NACC2: variants seen among roughly 807,000 people sequenced by gnomAD.
NACC2 encodes NACC family member 2, also known as nucleus accumbens-associated protein 2.
NACC2 carries 8 observed loss-of-function variants against 25.1 expected under a neutral mutation model. The ratio of observed to expected loss-of-function variants is 0.32; its 90% CI spans 0.19 to 0.57. The LOEUF (loss-of-function observed/expected upper bound fraction) is 0.57, where lower values mean the gene tolerates loss of function less well. Among genes scored for constraint, NACC2 ranks in the 20% least tolerant of loss-of-function variants. The pLI is 0.89. For synonymous variants in NACC2, 435 were observed against 294.7 expected (o/e 1.48, Z -4.88); for missense variants, 644 against 650.2 (o/e 0.99, Z 0.10).
At chr9:136,064,358 C>A (rs1204779342) in intron 1 of NACC2, among the ~76,000 whole-genome samples, 2 of 150,828 alleles carry the variant, frequency 1.3e-5, no homozygotes, top group African/African-American at 4.9e-5. Flanking sequence ...AGCAAGATTG[C>A]AAAATATAAA....
Position 136,019,273 on chromosome 9 carries a change from GC to G in NACC2, c.887-2845del. The G allele has an allele frequency of 6.6e-6, 1 of 152,366 alleles. No homozygotes were observed. The highest frequency in any genetic ancestry group is 1.9e-4 in the East Asian group (1 of 5,170). 9.4% of individuals were successfully genotyped at this position (152,366 alleles called of 1,614,324 possible). On this transcript the variant is annotated intron_variant, in intron 2 of 5. Transcript: ENST00000277554. The surrounding 1 kb of genome is among the most constrained non-coding windows in gnomAD (Gnocchi z 5.2). ...GAGACAGGACGGCTCATCCCTCGTGGCCCCCGGAAGGGCCATTCAGAGGCCC... is the reference window on the plus strand; with the variant it reads ...GAGACAGGACGGCTCATCCCTCGTGGCCCCGGAAGGGCCATTCAGAGGCCC...
At position 136,029,739 on chromosome 9, in the gene NACC2, C is replaced by T. The variant is rs577107650; in HGVS notation, c.887-13310G>A. Among the ~76,000 whole-genome samples the T allele has an allele frequency of 1.7e-4, 26 of 152,310 alleles. No individual in the cohort carries two copies. The East Asian group carries it at 2.7e-3, about 16-fold the overall frequency. On this transcript the variant is annotated intron_variant, in intron 2 of 5. Transcript: ENST00000277554. ...GTACAGCTGCAGCCCTGCAGGGAGC[C>T]GGCGCCTGTGCCAGTGCCTGGAGCT...
chr9:136,050,139 C>A lies in NACC2; in HGVS notation c.383G>T (p.Cys128Phe). 1.3e-6 allele frequency: 1 copy of A among 766,166 alleles called. No individual in the cohort carries two copies. The highest frequency in any genetic ancestry group is 2.4e-6 in the Non-Finnish European group (1 of 413,996). 47.5% of individuals were successfully genotyped at this position (766,166 alleles called of 1,614,324 possible). ...DLMFKVSSPHCDSQTAVIEDA... is the reference protein window; with the variant it reads ...DLMFKVSSPHFDSQTAVIEDA... ...CTCGATCACAGCGGTCTGCGAGTCG[C>A]AGTGGGGCGAGCTCACCTTGAACAT... Residue 128 changes from cysteine to phenylalanine, a missense_variant, in exon 2 of 6, where the codon TGC (cysteine) becomes TTC (phenylalanine). By Grantham distance (205) the Cys-to-Phe change is radical. Transcript: ENST00000277554.
chr9:136,091,119 C>T (rs546780025), intron 1 of NACC2, among the ~76,000 whole-genome samples: 1 of 152,208 alleles, frequency 6.6e-6, no homozygotes, highest in African/African-American at 2.4e-5. Context: ...GAAAAGCCTG[C>T]CTCTTGTTCT....
rs1223297298 is a variant in NACC2 at position 136,049,696 on chromosome 9, C to G, written c.826G>C (p.Asp276His). The G allele has an allele frequency of 1.8e-5, 14 of 779,236 alleles. No homozygotes were observed. The highest frequency in any genetic ancestry group is 2.4e-6 in the Non-Finnish European group (1 of 417,474). The allele number at this position is 779,236 out of a possible 1,614,324, so 48.3% of individuals were successfully genotyped here. The change falls in exon 2 of 6, where the codon GAC becomes CAC. Residue 276 changes from aspartate (D) to histidine (H), a missense_variant. Physicochemically the swap from Asp to His is moderately conservative, Grantham distance 81 (BLOSUM62 -1). Coordinates refer to ENST00000277554, the MANE Select transcript of NACC2 (RefSeq NM_144653.5). Reference sequence around the variant, plus strand: ...CCGTACTGCTCCTCCACCATGGTGTCGTAGGCCTCGTCGTCCTCCTCGTCC... The same window carrying G: ...CCGTACTGCTCCTCCACCATGGTGTGGTAGGCCTCGTCGTCCTCCTCGTCC... ...EEDEEDDEAY[D>H]TMVEEQYGQM...
rs371043563 is a variant in NACC2 at position 136,011,550 on chromosome 9, C to A, written c.1730G>T (p.Arg577Leu). The change falls in exon 6 of 6, where the codon CGG (arginine) becomes CTG (leucine). Residue 577 changes from arginine (R) to leucine (L), a missense_variant. Transcript: ENST00000277554. The part of the protein sequence containing the change: ...SRPQTPAAAA[R>L]RPEGTYAGTL ...CCCTGCATAGGTGCCCTCCGGCCTC[C>A]GGGCCGCGGCCGCCGGCGTCTGGGG... 7.1e-7 allele frequency: 1 copy of A among 1,408,330 alleles called. No homozygotes were observed. Among genetic ancestry groups the A allele is most frequent in the South Asian group, 1.7e-5 (1 of 60,002 alleles). The allele number at this position is 1,408,330 out of a possible 1,614,324, so 87.2% of individuals were successfully genotyped here. A position where few individuals can be genotyped will look rare whatever the true frequency, so the allele number is the denominator to read the frequency against.
At chr9:136,083,170 C>T (rs1830341771) in intron 1 of NACC2, among the ~76,000 whole-genome samples, 1 of 152,258 alleles carries the variant, frequency 6.6e-6, no homozygotes, top group Admixed American at 6.5e-5. Flanking sequence ...GTTGACATCA[C>T]ACGCTCCCAA....
At chr9:136,051,252 G>T (rs1251860751) in intron 1 of NACC2, among the ~76,000 whole-genome samples, 1 of 152,152 alleles carries the variant, frequency 6.6e-6, no homozygotes, top group African/African-American at 2.4e-5. Context: ...CCCTGGGCGC[G>T]CCCGCTCCGT....
At chr9:136,029,039 G>C (rs1281924333) in intron 2 of NACC2, among the ~76,000 whole-genome samples, 2 of 152,226 alleles carry the variant, frequency 1.3e-5, no homozygotes, top group African/African-American at 4.8e-5. Flanking sequence ...GAGGCAGACA[G>C]GCTCCTGGAT....
intron 1 of NACC2, among the ~76,000 whole-genome samples, chr9:136,067,814 C>G (rs117022226): frequency 6.6e-6 from 1 of 152,166 alleles, no homozygotes; most frequent in Non-Finnish European, 1.5e-5. Context: ...AGTCTGGCAA[C>G]AGGGCGAGAC....
intron 1 of NACC2, among the ~76,000 whole-genome samples, chr9:136,054,333 G>A (rs1024219857): frequency 3.9e-5 from 6 of 152,200 alleles, no homozygotes; most frequent in African/African-American, 7.2e-5. Context: ...CCTGGGGATC[G>A]AGGACAACTG....
At chr9:136,043,151 C>A (rs1265907034) in intron 2 of NACC2, among the ~76,000 whole-genome samples, 1 of 152,208 alleles carries the variant, frequency 6.6e-6, no homozygotes, top group Non-Finnish European at 1.5e-5. Context: ...AAATTTAAAA[C>A]TTCTGGTCTT....
At chr9:136,067,220 G>A (rs1479739185) in intron 1 of NACC2, among the ~76,000 whole-genome samples, 2 of 139,922 alleles carry the variant, frequency 1.4e-5, no homozygotes, top group East Asian at 2.2e-4. Context: ...CACCAAGATC[G>A]CACACAGCCA....
chr9:136,025,613 T>TC (rs1273306446), intron 2 of NACC2, among the ~76,000 whole-genome samples: 3 of 150,646 alleles, frequency 2.0e-5, no homozygotes, highest in African/African-American at 7.3e-5. Flanking sequence ...TTAAGTCCTA[T>TC]TAAAAAAAAA....
Position 136,006,906 on chromosome 9 carries a change from A to AT in NACC2, c.*4609dup, listed in dbSNP as rs375488431. On this transcript the variant is annotated 3_prime_UTR_variant, in exon 6 of 6. Transcript: ENST00000277554. ...CTTCCTTTACAGCACAGGAAAATTT[A>AT]TTTTTTAACAGTCGTGAGTTACAGT... The AT allele has an allele frequency of 1.3e-5, 2 of 152,376 alleles. No homozygotes were observed. The highest frequency in any genetic ancestry group is 2.9e-5 in the Non-Finnish European group (2 of 68,182). The allele number at this position is 152,376 out of a possible 1,614,324, so 9.4% of individuals were successfully genotyped here. A position where few individuals can be genotyped will look rare whatever the true frequency, so the allele number is the denominator to read the frequency against.
chr9:136,036,107 A>G (rs1840548363), intron 2 of NACC2, among the ~76,000 whole-genome samples: 1 of 152,238 alleles, frequency 6.6e-6, no homozygotes, highest in African/African-American at 2.4e-5. Context: ...AAGGATGCCA[A>G]TTCACAGTGT....
intron 1 of NACC2, among the ~76,000 whole-genome samples, chr9:136,083,822 G>A (rs943607744): frequency 6.6e-6 from 1 of 152,214 alleles, no homozygotes; most frequent in African/African-American, 2.4e-5. Context: ...CATCTCGACC[G>A]CTGCTGAGGG....
chr9:136,054,395 C>G (rs986437139), intron 1 of NACC2, among the ~76,000 whole-genome samples: 10 of 152,326 alleles, frequency 6.6e-5, no homozygotes, highest in African/African-American at 2.4e-4. Context: ...GGCTGCAGCC[C>G]CACGCCCCAG....
intron 1 of NACC2, among the ~76,000 whole-genome samples, chr9:136,061,793 G>C (rs1841013961): frequency 6.6e-6 from 1 of 152,110 alleles, no homozygotes; most frequent in African/African-American, 2.4e-5. Flanking sequence ...CAGAGGCCCA[G>C]GTACAATGGC....
Sources: allele counts gnomAD v4.1 joint callset (sites outside exome capture counted in the v4.1 genomes callset), GRCh38; gene constraint gnomAD v4.1.1; non-coding constraint Gnocchi (gnomAD v3.1); transcripts MANE v1.5; gene names NCBI Gene and HGNC (gene_info 2026-07-23, HGNC 2026-07-21).